MOB3B: variants seen among roughly 807,000 people sequenced by gnomAD.
MOB3B encodes the protein MOB kinase activator 3B.
A neutral mutation model predicts 18.7 loss-of-function variants in MOB3B; 7 were observed. The ratio of observed to expected loss-of-function variants is 0.37; its 90% CI spans 0.21 to 0.70. The LOEUF is 0.70. Among genes scored for constraint, MOB3B ranks in the 30% least tolerant of loss-of-function variants. The probability of loss-of-function intolerance (pLI) is 0.52; values close to 1 mark genes in which losing one functional copy is unlikely to be tolerated. For synonymous variants in MOB3B, 111 were observed against 99.9 expected (o/e 1.11, Z -0.66); for missense variants, 253 against 281.3 (o/e 0.90, Z 0.72).
intron 2 of MOB3B, among the ~76,000 whole-genome samples, chr9:27,416,108 A>G (rs1822143179): frequency 6.6e-6 from 1 of 152,216 alleles, no homozygotes; most frequent in African/African-American, 2.4e-5. Flanking sequence ...CCTGATTGAT[A>G]AAATGATTTT....
At chr9:27,389,455 C>A (rs1314700556) in intron 2 of MOB3B, among the ~76,000 whole-genome samples, 1 of 88,242 alleles carries the variant, frequency 1.1e-5, no homozygotes, top group Non-Finnish European at 2.1e-5. Flanking sequence ...CAGGTCCTGG[C>A]ATGCGCTGTT....
chr9:27,464,887 C>G (rs1317214278), intron 1 of MOB3B, among the ~76,000 whole-genome samples: 2 of 152,072 alleles, frequency 1.3e-5, no homozygotes, highest in African/African-American at 2.4e-5. Context: ...AAGACTGGCC[C>G]CCATGATTCA....
At chr9:27,514,354 A>G (rs1490846702) in intron 1 of MOB3B, among the ~76,000 whole-genome samples, 4 of 150,904 alleles carry the variant, frequency 2.7e-5, no homozygotes, top group Non-Finnish European at 5.9e-5. Context: ...TCAAAAAAAA[A>G]AAAAAAAAAA....
chr9:27,378,663 C>T (rs763585097), intron 2 of MOB3B: 20 of 470,990 alleles, frequency 4.2e-5, no homozygotes, highest in South Asian at 2.0e-4. Context: ...CTGATGACTC[C>T]CTGACCCAGA....
intron 2 of MOB3B, among the ~76,000 whole-genome samples, chr9:27,441,799 G>C (rs533508763): frequency 1.3e-5 from 2 of 152,230 alleles, no homozygotes; most frequent in East Asian, 3.9e-4. Flanking sequence ...ACATAGTCTA[G>C]TGCCTACTAG....
chr9:27,369,639 C>G (rs1421611482), intron 2 of MOB3B, among the ~76,000 whole-genome samples: 2 of 152,188 alleles, frequency 1.3e-5, no homozygotes, highest in Non-Finnish European at 2.9e-5. Context: ...TGCAGTGGTC[C>G]ACCATCATTT....
intron 2 of MOB3B, among the ~76,000 whole-genome samples, chr9:27,411,992 A>G (rs1414708283): frequency 1.3e-5 from 2 of 152,164 alleles, no homozygotes; most frequent in Non-Finnish European, 2.9e-5. Context: ...GCTCAAAAAG[A>G]TAGTCTATTA....
chr9:27,466,473 C>T (rs1819384285), intron 1 of MOB3B, among the ~76,000 whole-genome samples: 1 of 152,210 alleles, frequency 6.6e-6, no homozygotes, highest in South Asian at 2.1e-4. Context: ...TGCCTGTTAC[C>T]CAGTTCCAAA....
chr9:27,475,550 G>C (rs1291796373), intron 1 of MOB3B, among the ~76,000 whole-genome samples: 1 of 152,110 alleles, frequency 6.6e-6, no homozygotes. Flanking sequence ...AAGAAATATT[G>C]GGCAGCCCTC....
Position 27,523,595 on chromosome 9 carries a change from C to CTAAG in MOB3B, c.-199+5956_-199+5959dup, listed in dbSNP as rs568457329. Among the ~76,000 whole-genome samples the CTAAG allele has an allele frequency of 1.8e-3, 276 of 152,230 alleles. 2 individuals are homozygous for CTAAG. Among genetic ancestry groups the CTAAG allele is most frequent in the African/African-American group, 6.4e-3 (266 of 41,550 alleles). Reference sequence around the variant, plus strand: ...AAAGGTATCAGAGGCATATGGAAGGCTAAGTCCAGGATGGATTTAACTGAA... The same window carrying CTAAG: ...AAAGGTATCAGAGGCATATGGAAGGCTAAGTAAGTCCAGGATGGATTTAACTGAA... On this transcript the variant is annotated intron_variant, in intron 1 of 3. Coordinates refer to ENST00000262244, the MANE Select transcript of MOB3B (RefSeq NM_024761.5).
chr9:27,489,882 CAA>C (rs1377537820), intron 1 of MOB3B, among the ~76,000 whole-genome samples: 1 of 151,674 alleles, frequency 6.6e-6, no homozygotes, highest in African/African-American at 2.4e-5. Flanking sequence ...AGCTAAAAAA[CAA>C]AACAACTATT....
chr9:27,393,738 A>G (rs2131384858), intron 2 of MOB3B, among the ~76,000 whole-genome samples: 1 of 152,274 alleles, frequency 6.6e-6, no homozygotes, highest in East Asian at 1.9e-4. Flanking sequence ...TATTATCCCC[A>G]CTTTCCAGAT....
chr9:27,477,047 C>T (rs913194348), intron 1 of MOB3B, among the ~76,000 whole-genome samples: 8 of 152,150 alleles, frequency 5.3e-5, no homozygotes, highest in East Asian at 1.9e-4. Context: ...AGGAGTCTCC[C>T]GAGCTCCCAG....
At chr9:27,490,092 A>T (rs1396410733) in intron 1 of MOB3B, among the ~76,000 whole-genome samples, 1 of 152,182 alleles carries the variant, frequency 6.6e-6, no homozygotes, top group Non-Finnish European at 1.5e-5. Flanking sequence ...CACACAAAGC[A>T]TCACCTGGCT....
chr9:27,501,746 G>A (rs971772484), intron 1 of MOB3B, among the ~76,000 whole-genome samples: 3 of 132,630 alleles, frequency 2.3e-5, no homozygotes, highest in Non-Finnish European at 3.3e-5. Flanking sequence ...TAGTCTGGGC[G>A]ACAGAGTGAG....
At chr9:27,512,085 T>A (rs1216871235) in intron 1 of MOB3B, among the ~76,000 whole-genome samples, 1 of 152,092 alleles carries the variant, frequency 6.6e-6, no homozygotes, top group Non-Finnish European at 1.5e-5. Flanking sequence ...CTGACAAAGA[T>A]AAATCCTGCA....
At chr9:27,423,529 C>A (rs1236235296) in intron 2 of MOB3B, among the ~76,000 whole-genome samples, 1 of 151,456 alleles carries the variant, frequency 6.6e-6, no homozygotes, top group African/African-American at 2.4e-5. Context: ...AGGTATGGAG[C>A]ATTTAGTGTG....
chr9:27,380,831 G>A (rs1187641422), intron 2 of MOB3B, among the ~76,000 whole-genome samples: 1 of 151,068 alleles, frequency 6.6e-6, no homozygotes, highest in African/African-American at 2.4e-5. Context: ...ACTTATAAAA[G>A]GGAATTGAGA....
At chr9:27,398,508 C>A (rs1349327972) in intron 2 of MOB3B, among the ~76,000 whole-genome samples, 1 of 152,192 alleles carries the variant, frequency 6.6e-6, no homozygotes, top group African/African-American at 2.4e-5. Context: ...GAGTCTAATA[C>A]AGAGCAGGTG....
Sources: gnomAD v4.1 joint callset for allele counts (sites outside exome capture counted in the v4.1 genomes callset) on GRCh38, gnomAD v4.1.1 for gene constraint, MANE v1.5 for transcripts, NCBI Gene and HGNC (gene_info 2026-07-23, HGNC 2026-07-21) for gene names.